The following ADGRL3 variants were observed in gnomAD, a reference collection of about 807,000 sequenced individuals.
The protein encoded by ADGRL3 is calcium-independent alpha-latrotoxin receptor 3.
Under a neutral mutation model 153.5 loss-of-function variants are expected in ADGRL3, and 62 were observed. That is an observed-to-expected ratio of 0.40 (90% CI 0.33 to 0.50). ADGRL3 has a LOEUF of 0.50. Among genes scored for constraint, ADGRL3 ranks in the 20% least tolerant of loss-of-function variants. The probability of loss-of-function intolerance (pLI) is 0.47; values close to 1 mark genes in which losing one functional copy is unlikely to be tolerated. For missense variants in ADGRL3, 1,641 were observed against 1,859.4 expected (o/e 0.88, Z 2.16); for synonymous variants, 710 against 672.5 (o/e 1.06, Z -0.86).
intron 5 of ADGRL3, among the ~76,000 whole-genome samples, chr4:61,656,530 G>A (rs2094447392): frequency 6.6e-6 from 1 of 152,206 alleles, no homozygotes; most frequent in African/African-American, 2.4e-5. Flanking sequence ...GACTATATAA[G>A]GGAGCTATTT....
chr4:61,725,618 C>CA (rs916027018), intron 6 of ADGRL3, among the ~76,000 whole-genome samples: 73 of 130,872 alleles, frequency 5.6e-4, no homozygotes, highest in East Asian at 1.4e-3. Context: ...CAAAAAAAAA[C>CA]AAAAAAAAAC....
intron 2 of ADGRL3, among the ~76,000 whole-genome samples, chr4:61,468,598 A>G (rs1332609959): frequency 1.3e-5 from 2 of 152,284 alleles, no homozygotes; most frequent in East Asian, 3.9e-4. Flanking sequence ...CATCTTATGA[A>G]TGTGTATGTT....
chr4:61,802,558 A>G lies in ADGRL3; in HGVS notation c.1400-11251A>G, dbSNP rs149971824. Among the ~76,000 whole-genome samples, 475 of 152,142 alleles carry G rather than the reference A, an allele frequency of 3.1e-3. 1 individual carries two copies. The highest frequency in any genetic ancestry group is 0.01 in the African/African-American group (424 of 41,534). ...AGAAGTAGTGTTCCTTCTCTCCATG[A>G]GCACTGCTCATCGGTCATCAGGGAA... On this transcript the variant is annotated intron_variant, in intron 8 of 26. Transcript: ENST00000683033.
At chr4:61,442,347 A>C (rs1435222487) in intron 2 of ADGRL3, among the ~76,000 whole-genome samples, 2 of 152,202 alleles carry the variant, frequency 1.3e-5, no homozygotes, top group African/African-American at 4.8e-5. Context: ...ATGTGGCTAG[A>C]GAATCAGATA....
At chr4:62,044,598 G>A in intron 25 of ADGRL3, 49 bp downstream of exon 25, 3 of 1,258,972 alleles carry the variant, frequency 2.4e-6, no homozygotes, top group African/African-American at 1.5e-5. Flanking sequence ...ATTACTTTAA[G>A]AAGTCCTTAA....
chr4:61,389,792 T>C (rs2096781565), intron 2 of ADGRL3, among the ~76,000 whole-genome samples: 1 of 152,156 alleles, frequency 6.6e-6, no homozygotes, highest in South Asian at 2.1e-4. Context: ...CAGCTGTATA[T>C]AGTTAGTGCC....
chr4:61,925,120 C>T (rs953095543), intron 13 of ADGRL3, among the ~76,000 whole-genome samples: 4 of 151,976 alleles, frequency 2.6e-5, no homozygotes, highest in Non-Finnish European at 5.9e-5. Flanking sequence ...TTTTCTTTTT[C>T]GTTTTACAAT....
chr4:61,247,845 T>C (rs575498630), intron 1 of ADGRL3, among the ~76,000 whole-genome samples: 1 of 152,194 alleles, frequency 6.6e-6, no homozygotes. Context: ...GGAGCAATTG[T>C]CAAGAATGAT....
At chr4:61,775,433 C>A in intron 8 of ADGRL3, 164 of 573,674 alleles carry the variant, frequency 2.9e-4, no homozygotes, top group Middle Eastern at 1.6e-3. Context: ...TGTGTGTGTG[C>A]CAAAGATTTA....
In ADGRL3 at chr4:61,767,553, T is replaced by A. The variant is rs943565913; in HGVS notation, c.1399+33999T>A. On this transcript the variant is annotated intron_variant, in intron 8 of 26. Transcript: ENST00000683033. Reference sequence around the variant, plus strand: ...GGGGGCTTCCGAGGCAATCGGGCAGTGTCAGTCTTCAGCCGGTAAGCCAAG... The same window carrying A: ...GGGGGCTTCCGAGGCAATCGGGCAGAGTCAGTCTTCAGCCGGTAAGCCAAG... Among the ~76,000 whole-genome samples, 3 of 152,098 alleles carry A rather than the reference T, an allele frequency of 2.0e-5. No homozygotes were observed. In the South Asian group the frequency reaches 6.2e-4, roughly 32 times the overall value.
At chr4:61,856,354 TTTCCTTCTTCCCTTCCTTCC>T (rs2098263631) in intron 9 of ADGRL3, among the ~76,000 whole-genome samples, 1 of 150,250 alleles carries the variant, frequency 6.7e-6, no homozygotes, top group Non-Finnish European at 1.5e-5. Context: ...TCCCTTCTTC[TTTCCTTCTTCCCTTCCTTCC>T]TTCCTTCTTC....
At chr4:61,758,598 A>T (rs1386333317) in intron 8 of ADGRL3, among the ~76,000 whole-genome samples, 1 of 152,112 alleles carries the variant, frequency 6.6e-6, no homozygotes, top group East Asian at 1.9e-4. Flanking sequence ...GGGTTTCCTG[A>T]ATACAGCACA....
chr4:61,682,002 T>G (rs1424512562), intron 6 of ADGRL3, among the ~76,000 whole-genome samples: 1 of 152,016 alleles, frequency 6.6e-6, no homozygotes, highest in Non-Finnish European at 1.5e-5. Context: ...GTCAAATGGC[T>G]TCTCCAAAAG....
chr4:61,430,275 C>T lies in ADGRL3; in HGVS notation c.-174+47086C>T, dbSNP rs186588447. ...CTTGTCAAATTTATGAGCATGAGTGCAATAGTCTAGCTGATGAGATGGCTT... is the reference window on the plus strand; with the variant it reads ...CTTGTCAAATTTATGAGCATGAGTGTAATAGTCTAGCTGATGAGATGGCTT... On this transcript the variant is annotated intron_variant, in intron 2 of 26. Coordinates refer to ENST00000683033, the MANE Select transcript of ADGRL3 (RefSeq NM_001387552.1). Among the ~76,000 whole-genome samples the T allele has an allele frequency of 1.0e-3, 157 of 152,180 alleles. 2 individuals are homozygous for T. The highest frequency in any genetic ancestry group is 8.8e-4 in the Non-Finnish European group (60 of 67,970).
At chr4:61,331,116 A>C (rs1451225863) in intron 1 of ADGRL3, among the ~76,000 whole-genome samples, 1 of 152,200 alleles carries the variant, frequency 6.6e-6, no homozygotes, top group Non-Finnish European at 1.5e-5. Context: ...CTGTGGAGAT[A>C]GTATGTTGTG....
chr4:61,245,064 G>A (rs976792253), intron 1 of ADGRL3, among the ~76,000 whole-genome samples: 6 of 152,138 alleles, frequency 3.9e-5, no homozygotes, highest in Admixed American at 6.6e-5. Flanking sequence ...TGGGCAGTAG[G>A]AAATGAGGAG....
chr4:61,983,550 C>A lies in ADGRL3; in HGVS notation c.3183C>A (p.Leu1061=), dbSNP rs753984350. The change falls in exon 19 of 27, where the codon CTC becomes CTA. Residue 1061 remains leucine (L), a synonymous_variant. Coordinates refer to ENST00000683033, the MANE Select transcript of ADGRL3 (RefSeq NM_001387552.1). The part of the protein sequence containing the change: ...FYLVGYGMPA[L]IVAVSAAVDY... The stretch of plus-strand genomic sequence containing the variant: ...TGGTCGGCTATGGGATGCCTGCACT[C>A]ATTGTGGCTGTGTCAGCTGCAGTAG... The A allele has an allele frequency of 6.2e-7, 1 of 1,613,926 alleles. No homozygotes were observed. The highest frequency in any genetic ancestry group is 8.5e-7 in the Non-Finnish European group (1 of 1,179,852).
chr4:61,745,487 C>G (rs2096644541), intron 8 of ADGRL3, among the ~76,000 whole-genome samples: 2 of 152,124 alleles, frequency 1.3e-5, no homozygotes, highest in Admixed American at 1.3e-4. Context: ...CAAAGGGAAG[C>G]CCATCAGACT....
At chr4:62,005,695 C>T (rs562820965) in intron 21 of ADGRL3, among the ~76,000 whole-genome samples, 2 of 151,892 alleles carry the variant, frequency 1.3e-5, no homozygotes, top group East Asian at 3.9e-4. Context: ...ACTAGCTATT[C>T]ATAAGACTAT....
Sources: allele counts gnomAD v4.1 joint callset (sites outside exome capture counted in the v4.1 genomes callset), GRCh38; gene constraint gnomAD v4.1.1; transcripts MANE v1.5; gene names NCBI Gene and HGNC (gene_info 2026-07-23, HGNC 2026-07-21).